Variants in CPA6 observed in about 807,000 individuals in gnomAD.
CPA6 encodes the protein carboxypeptidase A6.
CPA6 carries 58 observed loss-of-function variants against 63.3 expected under a neutral mutation model. The observed-to-expected ratio is 0.92, with a 90% CI of 0.74 to 1.14. The LOEUF is 1.14. Ranked by LOEUF, CPA6 falls within the 50% of genes most tolerant of loss-of-function variation. The pLI is 0.00. For synonymous variants in CPA6, 185 were observed against 179.0 expected (o/e 1.03, Z -0.27); for missense variants, 565 against 526.6 (o/e 1.07, Z -0.71).
At chr8:67,697,819 A>G (rs1816939245) in intron 1 of CPA6, among the ~76,000 whole-genome samples, 1 of 152,202 alleles carries the variant, frequency 6.6e-6, no homozygotes, top group Admixed American at 6.5e-5. Flanking sequence ...ATTTCTATGA[A>G]GACTGATATG....
intron 1 of CPA6, among the ~76,000 whole-genome samples, chr8:67,697,616 A>C (rs1816934814): frequency 6.6e-6 from 1 of 152,228 alleles, no homozygotes; most frequent in African/African-American, 2.4e-5. Context: ...ACTCAGTCTC[A>C]TCCACTGTTT....
chr8:67,705,991 G>A (rs1817126285), intron 1 of CPA6, among the ~76,000 whole-genome samples: 1 of 152,054 alleles, frequency 6.6e-6, no homozygotes, highest in Non-Finnish European at 1.5e-5. Context: ...GTATGAAAAA[G>A]GATCTTTTAT....
At chr8:67,465,199 T>C (rs1810898489) in intron 8 of CPA6, among the ~76,000 whole-genome samples, 1 of 152,222 alleles carries the variant, frequency 6.6e-6, no homozygotes, top group South Asian at 2.1e-4. Flanking sequence ...CAGTGTTTTG[T>C]AGTTCTCCTT....
intron 1 of CPA6, among the ~76,000 whole-genome samples, chr8:67,673,190 C>T (rs116503373): frequency 2.6e-3 from 401 of 152,064 alleles, no homozygotes; most frequent in African/African-American, 9.3e-3. Context: ...CTTACATTCA[C>T]CTCTCTTCTC....
At chr8:67,694,401 G>A (rs1328991893) in intron 1 of CPA6, among the ~76,000 whole-genome samples, 3 of 152,192 alleles carry the variant, frequency 2.0e-5, no homozygotes, top group Admixed American at 1.3e-4. Flanking sequence ...GACACTGAAC[G>A]TTGCCCATGT....
At chr8:67,719,684 A>G (rs1352954420) in intron 1 of CPA6, among the ~76,000 whole-genome samples, 7 of 152,210 alleles carry the variant, frequency 4.6e-5, no homozygotes, top group African/African-American at 1.7e-4. Flanking sequence ...TCATGCAGGC[A>G]TAAAATAATG....
intron 1 of CPA6, among the ~76,000 whole-genome samples, chr8:67,649,288 A>T (rs1400831118): frequency 6.6e-6 from 1 of 152,228 alleles, no homozygotes; most frequent in Non-Finnish European, 1.5e-5. Context: ...TGTAAAGAAT[A>T]ATTAGGCATA....
chr8:67,634,084 A>G, intron 1 of CPA6, among the ~76,000 whole-genome samples: 1 of 146,920 alleles, frequency 6.8e-6, no homozygotes, highest in East Asian at 1.9e-4. Context: ...TTAAAATGAC[A>G]TCATTAGGGT....
intron 1 of CPA6, among the ~76,000 whole-genome samples, chr8:67,632,483 A>C (rs547894230): frequency 1.3e-5 from 2 of 152,136 alleles, no homozygotes; most frequent in Non-Finnish European, 2.9e-5. Flanking sequence ...AATTAAAAAA[A>C]AATTTTTTTT....
intron 8 of CPA6, among the ~76,000 whole-genome samples, chr8:67,471,043 G>A (rs1353244686): frequency 2.6e-5 from 4 of 151,998 alleles, no homozygotes; most frequent in African/African-American, 7.3e-5. Flanking sequence ...TCCTTCCTTC[G>A]ACACAGAACC....
chr8:67,541,167 GT>G (rs1280929725), intron 2 of CPA6, among the ~76,000 whole-genome samples: 1 of 152,108 alleles, frequency 6.6e-6, no homozygotes, highest in East Asian at 1.9e-4. Context: ...CACGGCCCTG[GT>G]GATGTAGGCA....
chr8:67,738,229 C>T (rs1309505965), intron 1 of CPA6, among the ~76,000 whole-genome samples: 3 of 152,216 alleles, frequency 2.0e-5, no homozygotes, highest in East Asian at 1.9e-4. Context: ...CTATATTTCA[C>T]AGCCTCCCTT....
At chr8:67,456,255 A>G (rs991447258) in intron 8 of CPA6, among the ~76,000 whole-genome samples, 1 of 152,202 alleles carries the variant, frequency 6.6e-6, no homozygotes, top group Admixed American at 6.5e-5. Flanking sequence ...TAATTCTCAG[A>G]ATGCAGTTTT....
At chr8:67,593,815 G>C (rs1814209302) in intron 2 of CPA6, among the ~76,000 whole-genome samples, 2 of 148,650 alleles carry the variant, frequency 1.3e-5, no homozygotes, top group South Asian at 4.4e-4. Flanking sequence ...ACAGCACACT[G>C]ATGGGTCTTG....
At chr8:67,724,951 T>A (rs757014878) in intron 1 of CPA6, among the ~76,000 whole-genome samples, 10 of 152,220 alleles carry the variant, frequency 6.6e-5, no homozygotes, top group Non-Finnish European at 1.3e-4. Context: ...TTGTTAGCAT[T>A]CTGTGTTAAC....
intron 8 of CPA6, among the ~76,000 whole-genome samples, chr8:67,458,360 G>A (rs571680859): frequency 1.3e-5 from 2 of 152,008 alleles, no homozygotes; most frequent in African/African-American, 4.8e-5. Context: ...ACCACCCCCG[G>A]CTATTTTTTG....
chr8:67,664,699 C>A (rs1040109435), intron 1 of CPA6, among the ~76,000 whole-genome samples: 2 of 151,990 alleles, frequency 1.3e-5, no homozygotes, highest in Non-Finnish European at 2.9e-5. Flanking sequence ...GATTTCAGGG[C>A]CTCAAATTTC....
At chr8:67,435,509 G>T (rs535545285) in intron 8 of CPA6, among the ~76,000 whole-genome samples, 5 of 152,296 alleles carry the variant, frequency 3.3e-5, no homozygotes, top group African/African-American at 1.2e-4. Flanking sequence ...GAGACGGCAG[G>T]TGCGGGGAGG....
intron 3 of CPA6, 70 bp downstream of exon 3, chr8:67,517,853 C>T: frequency 7.0e-7 from 1 of 1,435,226 alleles, no homozygotes; most frequent in East Asian, 2.4e-5. Context: ...GATAAATAAC[C>T]TAAATACAAC....
Sources: gnomAD v4.1 joint callset for allele counts (sites outside exome capture counted in the v4.1 genomes callset) on GRCh38, gnomAD v4.1.1 for gene constraint, MANE v1.5 for transcripts, NCBI Gene and HGNC (gene_info 2026-07-23, HGNC 2026-07-21) for gene names.